The following CHRFAM7A variants were observed in gnomAD, a reference collection of about 807,000 sequenced individuals.
CHRFAM7A encodes CHRNA7 (exons 5-10) and FAM7A (exons A-E) fusion.
Under a neutral mutation model 29.2 loss-of-function variants are expected in CHRFAM7A, and 3 were observed. The observed-to-expected ratio is 0.10, with a 90% CI of 0.05 to 0.27. The LOEUF (loss-of-function observed/expected upper bound fraction) is 0.27, where lower values mean the gene tolerates loss of function less well. CHRFAM7A is among the 10% of genes least tolerant of loss of function. CHRFAM7A has a pLI of 1.00. For missense variants in CHRFAM7A, 22 were observed against 328.0 expected (o/e 0.07, Z 7.21); for synonymous variants, 7 against 135.4 (o/e 0.05, Z 6.58).
chr15:30,377,997 A>G (rs1483837628), intron 4 of CHRFAM7A, among the ~76,000 whole-genome samples: 1 of 89,504 alleles, frequency 1.1e-5, no homozygotes, highest in African/African-American at 4.9e-5. Context: ...AAGGCATTTT[A>G]AACACATTGA....
rs542646429 is a variant in CHRFAM7A at position 30,374,547 on chromosome 15, G to C, written c.161-1402C>G. ...GCCCATTTCTACGAAATAATGGCCC[G>C]AGACAGAGAATTTCTAGAGACAGAA... On this transcript the variant is annotated intron_variant, in intron 5 of 9. Coordinates refer to ENST00000299847, the MANE Select transcript of CHRFAM7A (RefSeq NM_139320.2). Among the ~76,000 whole-genome samples, 505 of 146,238 alleles carry C rather than the reference G, an allele frequency of 3.5e-3. 35 individuals carry two copies. Among genetic ancestry groups the C allele is most frequent in the Middle Eastern group, 0.017 (5 of 288 alleles).
At chr15:30,371,289 C>A (rs2058853186) in intron 7 of CHRFAM7A, 105 bp from the exon 8 acceptor site, 1 of 725,904 alleles carries the variant, frequency 1.4e-6, no homozygotes, top group African/African-American at 1.9e-5. Context: ...AAGGGAGGCG[C>A]TGGGGGGAAT....
chr15:30,375,867 AGTG>A (rs1214404942), intron 5 of CHRFAM7A, among the ~76,000 whole-genome samples: 1 of 98,630 alleles, frequency 1.0e-5, no homozygotes, highest in East Asian at 2.3e-4. Context: ...TGGTTGTGTG[AGTG>A]GTGTGTGTGT....
chr15:30,371,739 G>A (rs1005717207), intron 7 of CHRFAM7A, among the ~76,000 whole-genome samples: 4 of 145,568 alleles, frequency 2.7e-5, no homozygotes, highest in African/African-American at 7.7e-5. Context: ...AGCTTCGTAT[G>A]GGAGTGATTG....
intron 9 of CHRFAM7A, among the ~76,000 whole-genome samples, chr15:30,363,081 G>C (rs149179555): frequency 1.3e-5 from 2 of 150,580 alleles, no homozygotes; most frequent in South Asian, 4.2e-4. Flanking sequence ...AGACAGCTTC[G>C]TGGAAGGGGA....
chr15:30,367,318 T>G, intron 9 of CHRFAM7A, 100 bp downstream of exon 9: 1 of 1,432,612 alleles, frequency 7.0e-7, no homozygotes, highest in Non-Finnish European at 9.5e-7. Flanking sequence ...AAGCTATTTC[T>G]TTAGGAATGC....
chr15:30,367,072 A>T (rs1376189365), intron 9 of CHRFAM7A, among the ~76,000 whole-genome samples: 3 of 149,960 alleles, frequency 2.0e-5, no homozygotes. Flanking sequence ...TCACGAGGTC[A>T]GGAGTTCGAC....
At chr15:30,363,212 A>C (rs1208190973) in intron 9 of CHRFAM7A, among the ~76,000 whole-genome samples, 2 of 145,016 alleles carry the variant, frequency 1.4e-5, no homozygotes, top group Non-Finnish European at 3.0e-5. Flanking sequence ...GTGCCCTGGA[A>C]GGCCACTGCA....
chr15:30,373,596 G>GAAC (rs201961508), intron 5 of CHRFAM7A, among the ~76,000 whole-genome samples: 3,865 of 111,844 alleles, frequency 0.035, 3 homozygotes, highest in Middle Eastern at 0.058. Flanking sequence ...AAAATGGGAA[G>GAAC]AACACATGAT....
upstream of CHRFAM7A, chr15:30,393,863 GTGTGTGTGTGTGTGTGTGTGTCTA>G (rs1255009656): frequency 0.11 from 7,466 of 70,666 alleles, 318 homozygotes; most frequent in African/African-American, 0.19. Flanking sequence ...AACTCTGTGT[GTGTGTGTGTGTGTGTGTGTGTCTA>G]TGTGTGTGTG....
At chr15:30,363,064 T>G (rs199628706) in intron 9 of CHRFAM7A, among the ~76,000 whole-genome samples, 1 of 151,704 alleles carries the variant, frequency 6.6e-6, no homozygotes, top group Non-Finnish European at 1.5e-5. Context: ...CACTGCAATC[T>G]CAGGGAAGAC....
chr15:30,363,112 A>G (rs2058759147), intron 9 of CHRFAM7A, among the ~76,000 whole-genome samples: 1 of 151,358 alleles, frequency 6.6e-6, no homozygotes, highest in Admixed American at 6.6e-5. Context: ...AGCTGTGTAA[A>G]GAGGGAAAGT....
At chr15:30,383,239 T>C in intron 3 of CHRFAM7A, 80 bp downstream of exon 3, 2 of 393,454 alleles carry the variant, frequency 5.1e-6, no homozygotes, top group South Asian at 6.0e-5. Flanking sequence ...CACATACAAA[T>C]ATTCCATTTG....
At chr15:30,375,966 G>T (rs2058927976) in intron 5 of CHRFAM7A, among the ~76,000 whole-genome samples, 1 of 30,246 alleles carries the variant, frequency 3.3e-5, no homozygotes, top group African/African-American at 1.0e-4. Context: ...TTGTGTGAGT[G>T]GTGTGTGTGT....
chr15:30,366,752 GCATCTGTCT>G (rs2058786897), intron 9 of CHRFAM7A, among the ~76,000 whole-genome samples: 1 of 150,866 alleles, frequency 6.6e-6, no homozygotes, highest in Non-Finnish European at 1.5e-5. Flanking sequence ...ATGTTGCTAC[GCATCTGTCT>G]CATCTGTTGC....
chr15:30,377,624 G>C (rs1321208597), intron 4 of CHRFAM7A, among the ~76,000 whole-genome samples: 1 of 133,278 alleles, frequency 7.5e-6, no homozygotes, highest in Admixed American at 7.9e-5. Flanking sequence ...GCCCAGGCTA[G>C]AGTGCAGTGG....
In CHRFAM7A at chr15:30,362,203, A is replaced by AG; in HGVS notation, c.*89_*90insC. Reference sequence around the variant, plus strand: ...AGGGAACACTGGAGTTGTGGCGTGTAATGCTGTCCTGGATTAGCACCCCCA... The same window carrying AG: ...AGGGAACACTGGAGTTGTGGCGTGTAGATGCTGTCCTGGATTAGCACCCCCA... On this transcript the variant is annotated 3_prime_UTR_variant, in exon 10 of 10. Transcript: ENST00000299847. The AG allele has an allele frequency of 1.3e-4, 8 of 60,888 alleles. No homozygotes were observed. The highest frequency in any genetic ancestry group is 2.8e-4 in the East Asian group (1 of 3,608). 3.8% of individuals were successfully genotyped at this position (60,888 alleles called of 1,614,324 possible). A position where few individuals can be genotyped will look rare whatever the true frequency, so the allele number is the denominator to read the frequency against.
In CHRFAM7A at chr15:30,370,924, C is replaced by T. The variant is rs531170997; in HGVS notation, c.610+174G>A. Among the ~76,000 whole-genome samples the T allele has an allele frequency of 6.6e-5, 10 of 151,852 alleles. No homozygotes were observed. The East Asian group carries it at 1.9e-3, about 29-fold the overall frequency. On this transcript the variant is annotated intron_variant, in intron 8 of 9. Coordinates refer to ENST00000299847, the MANE Select transcript of CHRFAM7A (RefSeq NM_139320.2). ...AGTCAAACCTCAAAGCTGAATATCC[C>T]CTTCCCCTTACTTGGGCCCGGGTGA... is the stretch of plus-strand genomic sequence containing the variant.
chr15:30,376,217 G>T (rs1331724441), intron 5 of CHRFAM7A, among the ~76,000 whole-genome samples: 1 of 146,158 alleles, frequency 6.8e-6, no homozygotes, highest in Non-Finnish European at 1.5e-5. Context: ...TGAGTGGTGT[G>T]TGTGTGAGTC....
Sources: gnomAD v4.1 joint callset for allele counts (sites outside exome capture counted in the v4.1 genomes callset) on GRCh38, gnomAD v4.1.1 for gene constraint, MANE v1.5 for transcripts, NCBI Gene and HGNC (gene_info 2026-07-23, HGNC 2026-07-21) for gene names.